The following DNAH10 variants were observed in gnomAD, a reference collection of about 807,000 sequenced individuals.
DNAH10 encodes the protein axonemal beta dynein heavy chain 10.
Under a neutral mutation model 506.6 loss-of-function variants are expected in DNAH10, and 348 were observed. The ratio of observed to expected loss-of-function variants is 0.69; its 90% CI spans 0.63 to 0.75. DNAH10 has a LOEUF of 0.75. Ranked by LOEUF, DNAH10 falls within the 30% of genes least tolerant of loss-of-function variation. DNAH10 has a pLI of 0.00. For missense variants in DNAH10, 5,179 were observed against 5,787.1 expected, an observed-to-expected ratio of 0.89 and a Z score of 3.41; for synonymous variants, 2,059 against 2,198.6, an observed-to-expected ratio of 0.94 and a Z score of 1.78.
At chr12:123,882,044 G>A in intron 51 of DNAH10, 1 of 391,498 alleles carries the variant, frequency 2.6e-6, no homozygotes, top group Non-Finnish European at 4.5e-6. Flanking sequence ...TTAGGATAGG[G>A]TTACATCCTG....
At chr12:123,805,555 C>T (rs996344790) in intron 18 of DNAH10, among the ~76,000 whole-genome samples, 3 of 152,192 alleles carry the variant, frequency 2.0e-5, no homozygotes, top group Non-Finnish European at 4.4e-5. Context: ...TGGACCCCAT[C>T]GCATTGGTGG....
chr12:123,797,283 AG>A (rs1170836708), intron 13 of DNAH10, among the ~76,000 whole-genome samples: 5 of 152,192 alleles, frequency 3.3e-5, no homozygotes, highest in Non-Finnish European at 7.3e-5. Flanking sequence ...GGCCCATTTG[AG>A]AAGCAGCTCA....
Position 123,917,516 on chromosome 12 carries a change from A to G in DNAH10, c.11003-68A>G. 2 of 1,476,920 alleles carry G rather than the reference A, an allele frequency of 1.4e-6. No homozygotes were observed. Among genetic ancestry groups the G allele is most frequent in the Non-Finnish European group, 1.8e-6 (2 of 1,088,212 alleles). The allele number at this position is 1,476,920 out of a possible 1,614,324, so 91.5% of individuals were successfully genotyped here. ...ACCCGCGCTAAGCTTGTCCCGTCAC[A>G]GCAGGGCAGCGGGAGAGACTGTTGT... On this transcript the variant is annotated intron_variant, in intron 63 of 78. Transcript: ENST00000673944. This position sits in a 1 kb window ranked among gnomAD's most constrained non-coding sequence, Gnocchi z 5.6.
chr12:123,909,573 G>A lies in DNAH10; in HGVS notation c.9997+131G>A. 8.4e-7 allele frequency: 1 copy of A among 1,195,360 alleles called. No individual in the cohort carries two copies. Among genetic ancestry groups the A allele is most frequent in the Non-Finnish European group, 1.1e-6 (1 of 880,376 alleles). The allele number at this position is 1,195,360 out of a possible 1,614,324, so 74.0% of individuals were successfully genotyped here. A position where few individuals can be genotyped will look rare whatever the true frequency, so the allele number is the denominator to read the frequency against. On this transcript the variant is annotated intron_variant, in intron 58 of 78. Transcript: ENST00000673944. This position sits in a 1 kb window ranked among gnomAD's most constrained non-coding sequence, Gnocchi z 5.4. ...CCCTTCTGGTCAGATGGTATCGGAT[G>A]GAACAGGCAACTGATGGTCACCAGA...
chr12:123,791,384 T>C (rs899197054), intron 11 of DNAH10, among the ~76,000 whole-genome samples: 2 of 152,200 alleles, frequency 1.3e-5, no homozygotes, highest in African/African-American at 2.4e-5. Flanking sequence ...GCAGGAAGCG[T>C]AATTAGGAGC....
At chr12:123,894,519 A>G (rs577633870) in intron 53 of DNAH10, 124 bp from the exon 54 acceptor site, 12 of 806,392 alleles carry the variant, frequency 1.5e-5, no homozygotes, top group Non-Finnish European at 2.2e-5. Flanking sequence ...TGGCCTCCCA[A>G]AGTGCTGGGA....
Position 123,845,971 on chromosome 12 carries a change from T to G in DNAH10, c.5631T>G (p.Ser1877Arg). 2.5e-6 allele frequency: 4 copies of G among 1,613,910 alleles called. No individual in the cohort carries two copies. The highest frequency in any genetic ancestry group is 3.4e-6 in the Non-Finnish European group (4 of 1,179,810). ...TTCCTCCACCTTTCTTGCCGTCCAG[T>G]ATCCTGGAGGCCCGAGAGTTTGACT... The part of the protein sequence containing the change: ...RDIVDSFIRG[S>R]ILEAREFDWE... Residue 1877 changes from serine (S) to arginine (R), a missense_variant and splice_region_variant, in exon 32 of 79, where the codon AGT (serine) becomes AGG (arginine). Coordinates refer to ENST00000673944, the MANE Select transcript of DNAH10 (RefSeq NM_001372106.1).
intron 5 of DNAH10, among the ~76,000 whole-genome samples, chr12:123,776,918 T>A (rs188900702): frequency 4.6e-5 from 7 of 152,208 alleles, no homozygotes; most frequent in Admixed American, 3.9e-4. Flanking sequence ...TATAGTGTGT[T>A]AGACAGCAAC....
At position 123,796,710 on chromosome 12, in the gene DNAH10, A is replaced by G; in HGVS notation, c.2041A>G (p.Lys681Glu). 6.2e-7 allele frequency: 1 copy of G among 1,613,956 alleles called. No homozygotes were observed. The highest frequency in any genetic ancestry group is 8.5e-7 in the Non-Finnish European group (1 of 1,179,966). The change falls in exon 13 of 79, where the codon AAG becomes GAG. Residue 681 changes from lysine (K) to glutamate (E), a missense_variant. Transcript: ENST00000673944. ...GAACCTTGAAAATCCACCACTGTATAAGAATCACCCTCCAGTAGCAGGTGC... is the reference window on the plus strand; with the variant it reads ...GAACCTTGAAAATCCACCACTGTATGAGAATCACCCTCCAGTAGCAGGTGC... ...VQNLENPPLYKNHPPVAGAIY... is the reference protein window; with the variant it reads ...VQNLENPPLYENHPPVAGAIY...
chr12:123,892,455 C>T (rs1953027712), intron 52 of DNAH10, among the ~76,000 whole-genome samples: 1 of 152,170 alleles, frequency 6.6e-6, no homozygotes. Context: ...CCAGTCACCT[C>T]CCACCGGGCC....
chr12:123,811,784 T>G (rs976310867), intron 19 of DNAH10, among the ~76,000 whole-genome samples: 1 of 151,490 alleles, frequency 6.6e-6, no homozygotes, highest in Non-Finnish European at 1.5e-5. Context: ...ATTACAGGCG[T>G]GAGCCACTGC....
chr12:123,921,952 T>G (rs190349328), intron 65 of DNAH10, among the ~76,000 whole-genome samples: 2 of 152,006 alleles, frequency 1.3e-5, no homozygotes, highest in Admixed American at 1.3e-4. Context: ...TGATCTCAAG[T>G]GATCTGCCCA....
intron 52 of DNAH10, among the ~76,000 whole-genome samples, chr12:123,888,716 A>G (rs1952847600): frequency 6.6e-6 from 1 of 152,184 alleles, no homozygotes; most frequent in African/African-American, 2.4e-5. Context: ...GCTGCCCCAG[A>G]AATCTACTAG....
chr12:123,789,947 C>T lies in DNAH10; in HGVS notation c.1641C>T (p.Asn547=), dbSNP rs755919230. 2.3e-5 allele frequency: 37 copies of T among 1,612,058 alleles called. No individual in the cohort carries two copies. The highest frequency in any genetic ancestry group is 1.6e-4 in the Middle Eastern group (1 of 6,074). Residue 547 remains asparagine (N), a synonymous_variant, in exon 11 of 79, where the codon AAC becomes AAT. Transcript: ENST00000673944. The part of the protein sequence containing the change: ...DVLQILEEFY[N]IFGPELKAVT... ...GACAGATTTTGGAGGAATTTTATAA[C>T]ATATTTGGTCCAGAACTAAAGGCAG...
chr12:123,886,266 G>A (rs1002361166), intron 51 of DNAH10, among the ~76,000 whole-genome samples: 6 of 152,206 alleles, frequency 3.9e-5, no homozygotes, highest in South Asian at 2.1e-4. Flanking sequence ...ATCTGGAGGA[G>A]GTTGAGGACA....
rs970569586 is a variant in DNAH10, at chr12:123,917,907, G to A, written c.11232+94G>A. 2.2e-6 allele frequency: 3 copies of A among 1,378,320 alleles called. No homozygotes were observed. Among genetic ancestry groups the A allele is most frequent in the Admixed American group, 2.2e-5 (1 of 46,046 alleles). The allele number at this position is 1,378,320 out of a possible 1,614,324, so 85.4% of individuals were successfully genotyped here. On this transcript the variant is annotated intron_variant, in intron 64 of 78. Transcript: ENST00000673944. This position sits in a 1 kb window ranked among gnomAD's most constrained non-coding sequence, Gnocchi z 5.6. ...TCTGTCTGCTCAATGAGAAAATGGG[G>A]CTCTGTGATCTCAGGGCTAAAAACC...
intron 54 of DNAH10, 94 bp from the exon 55 acceptor site, chr12:123,897,676 G>T: frequency 7.4e-7 from 1 of 1,350,462 alleles, no homozygotes; most frequent in South Asian, 1.4e-5. Context: ...AGTGAGCCAT[G>T]ATCACGCCAC....
chr12:123,769,912 CCTGG>C (rs67088696), intron 2 of DNAH10, among the ~76,000 whole-genome samples: 87,106 of 144,000 alleles, frequency 0.6, 27,193 homozygotes, highest in East Asian at 0.94. Context: ...TGCCACCATG[CCTGG>C]CTAAGGTTTT....
intron 74 of DNAH10, 47 bp downstream of exon 74, chr12:123,931,519 G>C: frequency 6.2e-7 from 1 of 1,607,386 alleles, no homozygotes; most frequent in Non-Finnish European, 8.5e-7. Flanking sequence ...GGGGTTTTAC[G>C]ATTGCTTCTT....
Sources: allele counts gnomAD v4.1 joint callset (sites outside exome capture counted in the v4.1 genomes callset), GRCh38; gene constraint gnomAD v4.1.1; non-coding constraint Gnocchi (gnomAD v3.1); transcripts MANE v1.5; gene names NCBI Gene and HGNC (gene_info 2026-07-23, HGNC 2026-07-21).